The following CLSTN3 variants were observed in gnomAD, a reference collection of about 807,000 sequenced individuals.
The protein encoded by CLSTN3 is calsyntenin-3.
Under a neutral mutation model 95.9 loss-of-function variants are expected in CLSTN3, and 36 were observed. The ratio of observed to expected loss-of-function variants is 0.38; its 90% CI spans 0.29 to 0.50. CLSTN3 has a LOEUF of 0.50. CLSTN3 is among the 20% of genes least tolerant of loss of function. The pLI is 0.95. For missense variants in CLSTN3, 1,084 were observed against 1,268.8 expected (o/e 0.85, Z 2.21); for synonymous variants, 481 against 504.0 (o/e 0.95, Z 0.61).
At position 7,148,028 on chromosome 12, in the gene CLSTN3, G is replaced by A. The variant is rs146596451; in HGVS notation, c.1848-944G>A. On this transcript the variant is annotated intron_variant, in intron 12 of 17. Transcript: ENST00000266546. The stretch of plus-strand genomic sequence containing the variant: ...AAATTAGCCGGGTGTGGTGGCATGC[G>A]CCCTATAATCCCAGCTACTTGGGAG... Among the ~76,000 whole-genome samples, 430 of 151,916 alleles carry A rather than the reference G, an allele frequency of 2.8e-3. 3 individuals carry two copies. Among genetic ancestry groups the A allele is most frequent in the African/African-American group, 9.2e-3 (382 of 41,422 alleles).
intron 16 of CLSTN3, among the ~76,000 whole-genome samples, chr12:7,152,795 CAG>C: frequency 2.0e-5 from 3 of 152,266 alleles, no homozygotes; most frequent in Middle Eastern, 6.8e-3. Flanking sequence ...CACAGAGGCA[CAG>C]AGAGTTCAAG....
Position 7,149,328 on chromosome 12 carries a change from C to T in CLSTN3, c.2074+130C>T. The T allele has an allele frequency of 1.0e-6, 1 of 961,984 alleles. No individual in the cohort carries two copies. The highest frequency in any genetic ancestry group is 2.6e-5 in the East Asian group (1 of 38,030). 59.6% of individuals were successfully genotyped at this position (961,984 alleles called of 1,614,324 possible). On this transcript the variant is annotated intron_variant, in intron 13 of 17. Coordinates refer to ENST00000266546, the MANE Select transcript of CLSTN3 (RefSeq NM_014718.4). This position sits in a 1 kb window ranked among gnomAD's most constrained non-coding sequence, Gnocchi z 4.5. ...TGTGTTTGTTTGACTGAACAACTTA[C>T]CTTTAAGAAGGAGAGCAAGTGGAAA...
Position 7,149,221 on chromosome 12 carries a change from A to G in CLSTN3, c.2074+23A>G, listed in dbSNP as rs1461823646. 3 of 1,596,770 alleles carry G rather than the reference A, an allele frequency of 1.9e-6. No individual in the cohort carries two copies. Among genetic ancestry groups the G allele is most frequent in the East Asian group, 2.2e-5 (1 of 44,634 alleles). Reference sequence around the variant, plus strand: ...CAGGTAAGGACGACTTCGGGGAGTAACACCATCCAGAGAACCAGCCAGTGT... The same window carrying G: ...CAGGTAAGGACGACTTCGGGGAGTAGCACCATCCAGAGAACCAGCCAGTGT... On this transcript the variant is annotated intron_variant, in intron 13 of 17. Coordinates refer to ENST00000266546, the MANE Select transcript of CLSTN3 (RefSeq NM_014718.4). This position sits in a 1 kb window ranked among gnomAD's most constrained non-coding sequence, Gnocchi z 4.5.
In CLSTN3 at chr12:7,136,145, G is replaced by A. The variant is rs775853616; in HGVS notation, c.743-61G>A. 3.5e-5 allele frequency: 55 copies of A among 1,566,050 alleles called. No homozygotes were observed. The African/African-American group carries it at 6.3e-4, about 18-fold the overall frequency. On this transcript the variant is annotated intron_variant, in intron 5 of 17. Transcript: ENST00000266546. ...CCATGGACATGGCAAGAGGAGCATG[G>A]AGAGGGGAGGCTGCTTTACCCTTCT...
chr12:7,145,920 C>T (rs1317474447), intron 12 of CLSTN3, among the ~76,000 whole-genome samples: 3 of 152,132 alleles, frequency 2.0e-5, no homozygotes, highest in East Asian at 1.9e-4. Flanking sequence ...GCCTCTGTGC[C>T]GCGTGTCTGA....
Position 7,130,645 on chromosome 12 carries a change from C to T in CLSTN3, c.-4C>T, listed in dbSNP as rs914296798. On this transcript the variant is annotated 5_prime_UTR_variant, in exon 1 of 18. Coordinates refer to ENST00000266546, the MANE Select transcript of CLSTN3 (RefSeq NM_014718.4). ...CCTGGCCCTGCCCTGCCCCACGCCGCACCATGACCCTCCTGCTGCTGCCCC... is the reference window on the plus strand; with the variant it reads ...CCTGGCCCTGCCCTGCCCCACGCCGTACCATGACCCTCCTGCTGCTGCCCC... The T allele has an allele frequency of 6.4e-7, 1 of 1,566,454 alleles. No individual in the cohort carries two copies. Among genetic ancestry groups the T allele is most frequent in the Admixed American group, 1.9e-5 (1 of 53,070 alleles).
chr12:7,136,892 G>T lies in CLSTN3; in HGVS notation c.992G>T (p.Gly331Val). The T allele has an allele frequency of 6.2e-7, 1 of 1,614,116 alleles. No homozygotes were observed. Residue 331 changes from glycine to valine, a missense_variant, in exon 7 of 18, where the codon GGA (glycine) becomes GTA (valine). Coordinates refer to ENST00000266546, the MANE Select transcript of CLSTN3 (RefSeq NM_014718.4). ...MPGPNANWTA[G>V]LSVHYSQDSS... ...GGCCCCAATGCCAACTGGACAGCAG[G>T]ACTCTCGGTGCACTACAGCCAGGAC...
At position 7,157,351 on chromosome 12, in the gene CLSTN3, TC is replaced by T; in HGVS notation, c.2528-136del. ...TTTCTCTTCTGGCTTCTCCAGGTGT[TC>T]CTCTCTTCTCGGCCACCGTGTGTTC... On this transcript the variant is annotated intron_variant, in intron 16 of 17. Transcript: ENST00000266546. This position sits in a 1 kb window ranked among gnomAD's most constrained non-coding sequence, Gnocchi z 5.9. 1 of 682,558 alleles carries T rather than the reference TC, an allele frequency of 1.5e-6. No homozygotes were observed. The highest frequency in any genetic ancestry group is 2.5e-5 in the South Asian group (1 of 40,424). 42.3% of individuals were successfully genotyped at this position (682,558 alleles called of 1,614,324 possible). A position where few individuals can be genotyped will look rare whatever the true frequency, so the allele number is the denominator to read the frequency against.
At position 7,137,177 on chromosome 12, in the gene CLSTN3, C is replaced by G; in HGVS notation, c.1210+67C>G. On this transcript the variant is annotated intron_variant, in intron 7 of 17. Transcript: ENST00000266546. This position sits in a 1 kb window ranked among gnomAD's most constrained non-coding sequence, Gnocchi z 4.4. The stretch of plus-strand genomic sequence containing the variant: ...CTTCTTGTCCCGCCTCTGTCACTGC[C>G]CAGTGTGTGACTGTGAACAGGTCAC... The G allele has an allele frequency of 6.6e-7, 1 of 1,504,820 alleles. No homozygotes were observed. 93.2% of individuals were successfully genotyped at this position (1,504,820 alleles called of 1,614,324 possible). A position where few individuals can be genotyped will look rare whatever the true frequency, so the allele number is the denominator to read the frequency against.
At chr12:7,136,089 C>G in intron 5 of CLSTN3, 117 bp from the exon 6 acceptor site, 3 of 1,492,430 alleles carry the variant, frequency 2.0e-6, no homozygotes, top group Admixed American at 2.0e-5. Context: ...TCTACTCTAG[C>G]CGGGCCATCC....
At chr12:7,134,079 C>T (rs1364287296) in intron 3 of CLSTN3, among the ~76,000 whole-genome samples, 5 of 152,198 alleles carry the variant, frequency 3.3e-5, no homozygotes, top group African/African-American at 4.8e-5. Flanking sequence ...CTTCATAAGG[C>T]TGCTGTGAAG....
rs373671772 is a variant in CLSTN3, at chr12:7,136,195, C to T, written c.743-11C>T. 5.6e-6 allele frequency: 9 copies of T among 1,611,896 alleles called. No homozygotes were observed. The highest frequency in any genetic ancestry group is 3.3e-5 in the South Asian group (3 of 90,698). On this transcript the variant is annotated splice_polypyrimidine_tract_variant and intron_variant, in intron 5 of 17. Coordinates refer to ENST00000266546, the MANE Select transcript of CLSTN3 (RefSeq NM_014718.4). ...TCTCTCCCCATCACCCTCTCTGTCT[C>T]ACCCATGCAGGCTGGAACAAAAGGA...
At chr12:7,135,226 C>T (rs1208307353) in intron 3 of CLSTN3, 101 bp from the exon 4 acceptor site, 23 of 1,110,596 alleles carry the variant, frequency 2.1e-5, no homozygotes, top group South Asian at 1.0e-4. Flanking sequence ...TGTACCGTAT[C>T]GAGGCTGTAC....
intron 12 of CLSTN3, among the ~76,000 whole-genome samples, chr12:7,145,585 C>A (rs1361891108): frequency 6.8e-6 from 1 of 147,300 alleles, no homozygotes; most frequent in Admixed American, 6.7e-5. Context: ...TAGTATTTTT[C>A]TTGGAAAGCC....
In CLSTN3 at chr12:7,157,507, C is replaced by A. The variant is rs1314006170; in HGVS notation, c.2546C>A (p.Thr849Asn). The A allele has an allele frequency of 1.3e-6, 2 of 1,592,870 alleles. No individual in the cohort carries two copies. ...TCTGCAGTGATACCCAGCGCCGCAA[C>A]CCTCATCATTGTGGTGTGCGTGGGC... ...HRNSMIPSAA[T>N]LIIVVCVGFL... Residue 849 changes from threonine (T) to asparagine (N), a missense_variant, in exon 17 of 18, where the codon ACC (threonine) becomes AAC (asparagine). Coordinates refer to ENST00000266546, the MANE Select transcript of CLSTN3 (RefSeq NM_014718.4). This position sits in a 1 kb window ranked among gnomAD's most constrained non-coding sequence, Gnocchi z 5.9.
rs184811198 is a variant in CLSTN3 at position 7,157,494 on chromosome 12, C to A, written c.2533C>A (p.Pro845Thr). Residue 845 changes from proline to threonine, a missense_variant, in exon 17 of 18, where the codon CCC becomes ACC. Physicochemically the swap from Pro to Thr is conservative, Grantham distance 38. Coordinates refer to ENST00000266546, the MANE Select transcript of CLSTN3 (RefSeq NM_014718.4). The surrounding 1 kb of genome is among the most constrained non-coding windows in gnomAD (Gnocchi z 5.9). ...CCCCCGCGCTCTCTCTGCAGTGATA[C>A]CCAGCGCCGCAACCCTCATCATTGT... Reference protein sequence around the residue: ...LASSHRNSMIPSAATLIIVVC... With the variant: ...LASSHRNSMITSAATLIIVVC... The A allele has an allele frequency of 2.5e-6, 4 of 1,576,978 alleles. No individual in the cohort carries two copies. Among genetic ancestry groups the A allele is most frequent in the Non-Finnish European group, 3.4e-6 (4 of 1,160,188 alleles).
At chr12:7,130,303 T>TC (rs1174430972), upstream of CLSTN3, 13,183 of 776,708 alleles carry the variant, frequency 0.017, 426 homozygotes, top group Admixed American at 0.087. Context: ...CAGCACCTGG[T>TC]CCCCCCCCCT....
intron 4 of CLSTN3, 131 bp downstream of exon 4, chr12:7,135,666 C>T: frequency 1.5e-6 from 2 of 1,342,640 alleles, no homozygotes; most frequent in Non-Finnish European, 1.0e-6. Flanking sequence ...CAAATGGAGC[C>T]TTCTCCTCCC....
At chr12:7,132,799 C>G (rs1185049257) in intron 1 of CLSTN3, 1 of 613,678 alleles carries the variant, frequency 1.6e-6, no homozygotes, top group Non-Finnish European at 2.9e-6. Context: ...TCCATGGGAA[C>G]TGTCTACCCT....
Sources: allele counts gnomAD v4.1 joint callset (sites outside exome capture counted in the v4.1 genomes callset), GRCh38; gene constraint gnomAD v4.1.1; non-coding constraint Gnocchi (gnomAD v3.1); transcripts MANE v1.5; gene names NCBI Gene and HGNC (gene_info 2026-07-23, HGNC 2026-07-21).